Variants in RTN4 observed in about 807,000 individuals in gnomAD.
RTN4 encodes the protein reticulon 4.
In RTN4, 32 loss-of-function variants were observed where a neutral mutation model predicts 90.4. That is an observed-to-expected ratio of 0.35 (90% CI 0.27 to 0.48). RTN4 has a LOEUF of 0.48. RTN4 is among the 20% of genes least tolerant of loss of function. The probability of loss-of-function intolerance (pLI) is 0.99; values close to 1 mark genes in which losing one functional copy is unlikely to be tolerated. For missense variants in RTN4, 1,706 were observed against 1,430.2 expected (o/e 1.19, Z -3.11); for synonymous variants, 629 against 552.5 (o/e 1.14, Z -1.94).
chr2:55,006,393 G>C (rs142809178), intron 3 of RTN4, among the ~76,000 whole-genome samples: 8 of 152,180 alleles, frequency 5.3e-5, no homozygotes, highest in African/African-American at 1.9e-4. Context: ...TGGCCTTCCC[G>C]AGTAAGGCAT....
the RTN4 span, among the ~76,000 whole-genome samples, chr2:55,133,185 T>C: frequency 6.6e-6 from 1 of 152,132 alleles, no homozygotes; most frequent in Non-Finnish European, 1.5e-5. Flanking sequence ...CACTACAACC[T>C]GGGCAGCAGA....
intron 2 of RTN4, among the ~76,000 whole-genome samples, chr2:55,063,258 T>G (rs1046269570): frequency 6.6e-6 from 1 of 152,244 alleles, no homozygotes; most frequent in South Asian, 2.1e-4. Context: ...ATAGTGGGCT[T>G]CTTAGGTGAG....
At chr2:54,973,784 G>T (rs1351357822) in intron 7 of RTN4, 37 bp downstream of exon 7, 2 of 1,569,978 alleles carry the variant, frequency 1.3e-6, no homozygotes, top group Middle Eastern at 1.7e-4. Context: ...TAGAGTGAGT[G>T]CTCTATTCTG....
chr2:54,986,279 G>A (rs1333970470), intron 4 of RTN4, among the ~76,000 whole-genome samples: 1 of 152,106 alleles, frequency 6.6e-6, no homozygotes, highest in African/African-American at 2.4e-5. Context: ...AGTAATCCGA[G>A]GTAACTACAA....
intron 1 of RTN4, among the ~76,000 whole-genome samples, chr2:55,086,812 G>C (rs1573508913): frequency 6.7e-6 from 1 of 149,136 alleles, no homozygotes; most frequent in African/African-American, 2.5e-5. Flanking sequence ...TTTTGCCTTT[G>C]TTTTCAACTT....
chr2:55,003,780 T>C (rs1221221096), intron 3 of RTN4, among the ~76,000 whole-genome samples: 2 of 152,176 alleles, frequency 1.3e-5, no homozygotes, highest in Non-Finnish European at 2.9e-5. Flanking sequence ...CTGAACAATA[T>C]AACAACTACC....
At chr2:55,030,440 G>A (rs897275722) in intron 1 of RTN4, among the ~76,000 whole-genome samples, 3 of 152,086 alleles carry the variant, frequency 2.0e-5, no homozygotes, top group African/African-American at 7.2e-5. Context: ...ACTATCTTCT[G>A]GGACTTCAAG....
chr2:55,066,186 TG>T (rs1470659348), intron 2 of RTN4, among the ~76,000 whole-genome samples: 8 of 100,728 alleles, frequency 7.9e-5, no homozygotes, highest in East Asian at 3.2e-4. Flanking sequence ...TGTGTGTGTG[TG>T]TGTGTTTGTG....
upstream of RTN4, among the ~76,000 whole-genome samples, chr2:55,117,395 C>T (rs1355482864): frequency 6.6e-6 from 1 of 152,178 alleles, no homozygotes; most frequent in East Asian, 1.9e-4. Flanking sequence ...ACCTCAAGCT[C>T]ATCCTGGAAC....
intron 3 of RTN4, among the ~76,000 whole-genome samples, chr2:54,995,778 T>C (rs1679376097): frequency 6.6e-6 from 1 of 152,166 alleles, no homozygotes; most frequent in Non-Finnish European, 1.5e-5. Context: ...TGTGTACATC[T>C]TTAGAATGTG....
chr2:54,984,543 GA>G (rs1198718590), intron 4 of RTN4, among the ~76,000 whole-genome samples: 1 of 152,162 alleles, frequency 6.6e-6, no homozygotes, highest in Non-Finnish European at 1.5e-5. Flanking sequence ...TCTTGCTGAA[GA>G]CAAGATGCCT....
intron 3 of RTN4, among the ~76,000 whole-genome samples, chr2:55,018,750 ATGTG>A (rs759076325): frequency 6.7e-4 from 101 of 151,612 alleles, no homozygotes; most frequent in Non-Finnish European, 1.3e-3. Context: ...ATGTATGTGT[ATGTG>A]TGTATGTTTA....
At chr2:55,061,216 C>T (rs1329348456) in intron 2 of RTN4, among the ~76,000 whole-genome samples, 1 of 152,038 alleles carries the variant, frequency 6.6e-6, no homozygotes, top group Non-Finnish European at 1.5e-5. Context: ...CAGGCGCACG[C>T]CACCACACCC....
At chr2:55,105,439 A>G (rs935465917) in intron 1 of RTN4, among the ~76,000 whole-genome samples, 1 of 151,728 alleles carries the variant, frequency 6.6e-6, no homozygotes, top group Non-Finnish European at 1.5e-5. Flanking sequence ...CATGTTGGCC[A>G]TGCTGGTCTC....
chr2:54,973,316 G>T, intron 8 of RTN4, 118 bp from the exon 9 acceptor site: 2 of 1,006,302 alleles, frequency 2.0e-6, no homozygotes, highest in Non-Finnish European at 1.5e-6. Flanking sequence ...CCTTAAAGCT[G>T]CCTAATTCTA....
chr2:55,099,831 C>A (rs1667820226), intron 1 of RTN4, among the ~76,000 whole-genome samples: 1 of 151,972 alleles, frequency 6.6e-6, no homozygotes, highest in Non-Finnish European at 1.5e-5. Flanking sequence ...TTAAATGAAG[C>A]GATTCATGTA....
At chr2:55,015,635 A>G (rs1241848579) in intron 3 of RTN4, among the ~76,000 whole-genome samples, 1 of 152,210 alleles carries the variant, frequency 6.6e-6, no homozygotes, top group Non-Finnish European at 1.5e-5. Flanking sequence ...TCAAAGATCA[A>G]AAAAGCAAGT....
chr2:55,050,653 C>G (rs1668059445), upstream of RTN4: 4 of 191,058 alleles, frequency 2.1e-5, no homozygotes, highest in Admixed American at 1.8e-4. The surrounding 1 kb of genome is among the most constrained non-coding windows in gnomAD (Gnocchi z 4.6). Flanking sequence ...AGGCGACCAG[C>G]CGGGCCAACA....
At chr2:55,105,221 A>G (rs1267082998) in intron 1 of RTN4, among the ~76,000 whole-genome samples, 1 of 107,076 alleles carries the variant, frequency 9.3e-6, no homozygotes, top group Admixed American at 9.1e-5. Flanking sequence ...TTTTTTTGCT[A>G]TTGAAGTTTT....
Sources: gnomAD v4.1 joint callset for allele counts (sites outside exome capture counted in the v4.1 genomes callset) on GRCh38, gnomAD v4.1.1 for gene constraint, Gnocchi (gnomAD v3.1) non-coding constraint, MANE v1.5 for transcripts, NCBI Gene and HGNC (gene_info 2026-07-23, HGNC 2026-07-21) for gene names.